Variants in PITPNC1 observed in about 807,000 individuals in gnomAD.
The protein encoded by PITPNC1 is phosphatidylinositol transfer protein cytoplasmic 1, also known as cytoplasmic phosphatidylinositol transfer protein 1.
A neutral mutation model predicts 44.7 loss-of-function variants in PITPNC1; 18 were observed. That is an observed-to-expected ratio of 0.40 (90% confidence interval 0.28 to 0.60). The LOEUF (loss-of-function observed/expected upper bound fraction) is 0.60. Ranked by LOEUF, PITPNC1 falls within the 20% of genes least tolerant of loss-of-function variation. PITPNC1 has a pLI of 0.39. For synonymous variants in PITPNC1, 141 were observed against 149.6 expected (o/e 0.94, Z 0.42); for missense variants, 290 against 418.4 (o/e 0.69, Z 2.68).
At chr17:67,500,175 G>A (rs1451807695) in intron 1 of PITPNC1, among the ~76,000 whole-genome samples, 2 of 152,084 alleles carry the variant, frequency 1.3e-5, no homozygotes, top group Admixed American at 1.3e-4. Context: ...TCTGTTTCTT[G>A]TTTTGTCAGT....
intron 1 of PITPNC1, among the ~76,000 whole-genome samples, chr17:67,499,965 T>A (rs959091009): frequency 6.6e-6 from 1 of 152,258 alleles, no homozygotes. Flanking sequence ...TCCATCGTTT[T>A]AAATAAATGC....
At chr17:67,414,900 A>T (rs1180971982) in intron 1 of PITPNC1, among the ~76,000 whole-genome samples, 1 of 151,800 alleles carries the variant, frequency 6.6e-6, no homozygotes, top group Admixed American at 6.6e-5. Context: ...ATTTTTTGAG[A>T]CAGGGTCTTG....
chr17:67,678,754 G>A (rs2042649193), intron 8 of PITPNC1, among the ~76,000 whole-genome samples: 1 of 152,202 alleles, frequency 6.6e-6, no homozygotes, highest in African/African-American at 2.4e-5. Context: ...TGGTACCCAG[G>A]CTAAGCGCCC....
At chr17:67,463,203 A>C (rs906053365) in intron 1 of PITPNC1, among the ~76,000 whole-genome samples, 3 of 152,236 alleles carry the variant, frequency 2.0e-5, no homozygotes, top group African/African-American at 7.2e-5. Flanking sequence ...ACTTCTGCAT[A>C]GCAAGTAACA....
At chr17:67,550,345 C>G (rs2040743009) in intron 2 of PITPNC1, among the ~76,000 whole-genome samples, 1 of 151,990 alleles carries the variant, frequency 6.6e-6, no homozygotes, top group Non-Finnish European at 1.5e-5. Flanking sequence ...ATTAACAGCG[C>G]AGAGCTATGG....
At chr17:67,390,710 T>C (rs1343913277) in intron 1 of PITPNC1, among the ~76,000 whole-genome samples, 2 of 152,164 alleles carry the variant, frequency 1.3e-5, no homozygotes, top group Non-Finnish European at 2.9e-5. Context: ...TGGGCAAATC[T>C]CCCAGGTGGC....
intron 1 of PITPNC1, among the ~76,000 whole-genome samples, chr17:67,406,134 T>C (rs1341440910): frequency 6.6e-6 from 1 of 152,172 alleles, no homozygotes; most frequent in Non-Finnish European, 1.5e-5. Context: ...TCTAGAATAT[T>C]TTCTTTTCCC....
chr17:67,686,636 G>A (rs1025757983), intron 8 of PITPNC1, among the ~76,000 whole-genome samples: 4 of 152,144 alleles, frequency 2.6e-5, no homozygotes, highest in Non-Finnish European at 5.9e-5. Context: ...TGTCCTTTCT[G>A]TTGTTGAATG....
chr17:67,520,305 G>A (rs953183838), intron 1 of PITPNC1, among the ~76,000 whole-genome samples: 4 of 152,138 alleles, frequency 2.6e-5, no homozygotes, highest in African/African-American at 4.8e-5. Context: ...AGCGGATGGC[G>A]CAGGATATGT....
intron 6 of PITPNC1, chr17:67,632,507 G>A: frequency 2.2e-6 from 1 of 452,628 alleles, no homozygotes; most frequent in Non-Finnish European, 3.9e-6. Flanking sequence ...GTATCCATAG[G>A]GCTGGACCAT....
At chr17:67,488,365 G>A (rs923702031) in intron 1 of PITPNC1, among the ~76,000 whole-genome samples, 5 of 152,154 alleles carry the variant, frequency 3.3e-5, no homozygotes, top group Admixed American at 6.5e-5. Flanking sequence ...CCTGCCAGAC[G>A]GCCCTCCCTG....
At chr17:67,692,499 A>C (rs1376822012) in intron 8 of PITPNC1, 73 bp from the exon 9 acceptor site, 1 of 1,031,866 alleles carries the variant, frequency 9.7e-7, no homozygotes, top group Non-Finnish European at 1.5e-6. Flanking sequence ...CTGTAAAAAC[A>C]AGGGTAGTGA....
chr17:67,615,848 C>T (rs896464596), intron 5 of PITPNC1, among the ~76,000 whole-genome samples: 1 of 152,128 alleles, frequency 6.6e-6, no homozygotes, highest in Non-Finnish European at 1.5e-5. Flanking sequence ...CGTTCTGCGT[C>T]GCTGGTGCCA....
intron 6 of PITPNC1, among the ~76,000 whole-genome samples, chr17:67,649,349 G>A (rs1461161976): frequency 6.6e-6 from 1 of 152,234 alleles, no homozygotes; most frequent in Non-Finnish European, 1.5e-5. Context: ...GGCTGAGATG[G>A]AACCATGGGA....
chr17:67,393,277 T>TG (rs1220447986), intron 1 of PITPNC1, among the ~76,000 whole-genome samples: 3 of 152,162 alleles, frequency 2.0e-5, no homozygotes, highest in Non-Finnish European at 4.4e-5. Context: ...AGAACAGTTT[T>TG]CATCTTGCAG....
intron 1 of PITPNC1, among the ~76,000 whole-genome samples, chr17:67,498,405 A>C (rs1173045739): frequency 6.6e-6 from 1 of 152,212 alleles, no homozygotes; most frequent in Non-Finnish European, 1.5e-5. Context: ...AAAATACTCC[A>C]TTGTATGTAT....
At chr17:67,558,640 C>T (rs1270498818) in intron 4 of PITPNC1, among the ~76,000 whole-genome samples, 2 of 152,002 alleles carry the variant, frequency 1.3e-5, no homozygotes, top group Admixed American at 6.6e-5. Flanking sequence ...ATATATTTTG[C>T]GACCGTGATC....
rs1424581200 is a variant in PITPNC1, at chr17:67,695,984, A to G, written c.*3096A>G. The stretch of plus-strand genomic sequence containing the variant: ...AGACAAAGCAAAGGAAAAGGAACAC[A>G]ATGAAGGAGGCCGTGACATTTTTAG... On this transcript the variant is annotated 3_prime_UTR_variant, in exon 9 of 9. Transcript: ENST00000581322. The G allele has an allele frequency of 6.6e-6, 1 of 152,224 alleles. No homozygotes were observed. Among genetic ancestry groups the G allele is most frequent in the African/African-American group, 2.4e-5 (1 of 41,460 alleles). The allele number at this position is 152,224 out of a possible 1,614,324, so 9.4% of individuals were successfully genotyped here. A position where few individuals can be genotyped will look rare whatever the true frequency, so the allele number is the denominator to read the frequency against.
intron 6 of PITPNC1, among the ~76,000 whole-genome samples, chr17:67,642,727 G>A (rs1298591234): frequency 6.6e-6 from 1 of 152,090 alleles, no homozygotes; most frequent in East Asian, 1.9e-4. Context: ...AGCCACTGCT[G>A]TTCTCTTGGC....
Sources: gnomAD v4.1 joint callset for allele counts (sites outside exome capture counted in the v4.1 genomes callset) on GRCh38, gnomAD v4.1.1 for gene constraint, MANE v1.5 for transcripts, NCBI Gene and HGNC (gene_info 2026-07-23, HGNC 2026-07-21) for gene names.